SGCD: variants seen among roughly 807,000 people sequenced by gnomAD.
SGCD encodes the protein sarcoglycan delta.
A neutral mutation model predicts 36.6 loss-of-function variants in SGCD; 18 were observed. That is an observed-to-expected ratio of 0.49 (90% CI 0.34 to 0.73). The LOEUF (loss-of-function observed/expected upper bound fraction) is 0.73, where lower values mean the gene tolerates loss of function less well. SGCD is among the 30% of genes least tolerant of loss of function. SGCD has a pLI of 0.01. For synonymous variants in SGCD, 133 were observed against 130.6 expected (o/e 1.02, Z -0.12); for missense variants, 387 against 346.7 (o/e 1.12, Z -0.92).
the SGCD span, among the ~76,000 whole-genome samples, chr5:155,751,926 C>T: frequency 6.6e-6 from 1 of 152,020 alleles, no homozygotes; most frequent in Non-Finnish European, 1.5e-5. Flanking sequence ...AACTGTGTGA[C>T]CTTGGACAAA....
At chr5:156,491,210 A>G (rs2127849463) in intron 3 of SGCD, among the ~76,000 whole-genome samples, 2 of 152,288 alleles carry the variant, frequency 1.3e-5, no homozygotes, top group African/African-American at 4.8e-5. Flanking sequence ...AAGCAAATGG[A>G]AAAACATCCC....
At chr5:155,958,662 A>G (rs1757717834) in intron 1 of SGCD, among the ~76,000 whole-genome samples, 1 of 152,174 alleles carries the variant, frequency 6.6e-6, no homozygotes, top group Non-Finnish European at 1.5e-5. Context: ...TGGGGTCAGA[A>G]CAGTATTTGA....
At chr5:156,645,161 C>T (rs1763180900) in intron 6 of SGCD, among the ~76,000 whole-genome samples, 1 of 151,964 alleles carries the variant, frequency 6.6e-6, no homozygotes, top group African/African-American at 2.4e-5. Flanking sequence ...GCTGAAATGG[C>T]TTTATGGATT....
chr5:156,506,626 G>GA (rs1309427206), intron 3 of SGCD, among the ~76,000 whole-genome samples: 1 of 151,952 alleles, frequency 6.6e-6, no homozygotes, highest in Non-Finnish European at 1.5e-5. Flanking sequence ...CAGTCAACTG[G>GA]AAAAAAACCC....
At chr5:156,207,176 T>C (rs1410661491) in intron 3 of SGCD, among the ~76,000 whole-genome samples, 2 of 152,122 alleles carry the variant, frequency 1.3e-5, no homozygotes, top group Non-Finnish European at 2.9e-5. Context: ...TGGGAGGGTA[T>C]GACTTCTACT....
intron 7 of SGCD, among the ~76,000 whole-genome samples, chr5:156,728,536 A>AAAAG (rs1755896249): frequency 6.8e-6 from 1 of 147,590 alleles, no homozygotes; most frequent in Admixed American, 6.7e-5. Flanking sequence ...AAAAAAAAAA[A>AAAAG]GGTAGAGTCA....
chr5:155,977,866 T>C (rs1248788746), intron 1 of SGCD, among the ~76,000 whole-genome samples: 3 of 152,178 alleles, frequency 2.0e-5, no homozygotes, highest in Non-Finnish European at 4.4e-5. Context: ...GAGGCCGAGG[T>C]GGGCAGATCA....
chr5:156,617,199 AT>A (rs1174925457), intron 6 of SGCD, among the ~76,000 whole-genome samples: 1 of 152,234 alleles, frequency 6.6e-6, no homozygotes, highest in Non-Finnish European at 1.5e-5. Flanking sequence ...GGATTGAAAG[AT>A]TTTGAATACT....
At chr5:156,257,290 C>T (rs1474138871) in intron 3 of SGCD, among the ~76,000 whole-genome samples, 1 of 151,818 alleles carries the variant, frequency 6.6e-6, no homozygotes, top group Non-Finnish European at 1.5e-5. Flanking sequence ...CTGGCTAACA[C>T]GGTGAAACCC....
intron 2 of SGCD, among the ~76,000 whole-genome samples, chr5:156,343,739 G>A (rs1350625849): frequency 6.6e-6 from 1 of 152,086 alleles, no homozygotes; most frequent in Non-Finnish European, 1.5e-5. Flanking sequence ...ACTGTGCTTA[G>A]CATTTAACTA....
In SGCD at chr5:156,689,773, A is replaced by T. The variant is rs111483133; in HGVS notation, c.575+42237A>T. 3.7e-3 allele frequency among the ~76,000 whole-genome samples: 563 copies of T among 152,328 alleles called. 8 individuals carry two copies. Among genetic ancestry groups the T allele is most frequent in the African/African-American group, 0.012 (492 of 41,576 alleles). On this transcript the variant is annotated intron_variant, in intron 7 of 8. Transcript: ENST00000337851. ...AGACAGAAAGGATGGTAAGAAGATT[A>T]TTCAAGATTAAAGATAAGAGAGAAT...
chr5:156,604,269 C>G (rs1392164967), intron 6 of SGCD, among the ~76,000 whole-genome samples: 1 of 151,760 alleles, frequency 6.6e-6, no homozygotes, highest in Non-Finnish European at 1.5e-5. Flanking sequence ...TCTCCACTTT[C>G]ATCTATGTGT....
chr5:156,112,887 A>G (rs1487060089), intron 1 of SGCD, among the ~76,000 whole-genome samples: 1 of 152,284 alleles, frequency 6.6e-6, no homozygotes, highest in East Asian at 1.9e-4. Context: ...TAAAATTTCT[A>G]TAATCTACCT....
At chr5:155,989,162 C>T (rs562328484) in intron 1 of SGCD, among the ~76,000 whole-genome samples, 1 of 152,128 alleles carries the variant, frequency 6.6e-6, no homozygotes, top group South Asian at 2.1e-4. Flanking sequence ...CTGCTATTTG[C>T]TTAATTCAAG....
chr5:156,452,400 T>A (rs1029216035), intron 3 of SGCD, among the ~76,000 whole-genome samples: 7 of 152,196 alleles, frequency 4.6e-5, no homozygotes, highest in African/African-American at 9.6e-5. Flanking sequence ...CATTCTCCTT[T>A]TGCTTTCTTC....
chr5:156,679,985 A>C (rs1335528123), intron 7 of SGCD, among the ~76,000 whole-genome samples: 1 of 152,218 alleles, frequency 6.6e-6, no homozygotes, highest in Non-Finnish European at 1.5e-5. Flanking sequence ...GCAAGCAATC[A>C]GAATTTTACT....
intron 7 of SGCD, among the ~76,000 whole-genome samples, chr5:156,667,843 G>A (rs1753118672): frequency 6.6e-6 from 1 of 152,182 alleles, no homozygotes; most frequent in Non-Finnish European, 1.5e-5. Flanking sequence ...CAGGAATTCT[G>A]AGAGCTTAAA....
the SGCD span, among the ~76,000 whole-genome samples, chr5:155,739,292 A>G: frequency 6.6e-6 from 1 of 152,196 alleles, no homozygotes; most frequent in Non-Finnish European, 1.5e-5. Context: ...CTGCTAAAAG[A>G]TCTTTCCATG....
intron 1 of SGCD, among the ~76,000 whole-genome samples, chr5:156,056,658 A>C (rs1374490485): frequency 2.1e-5 from 3 of 141,016 alleles, no homozygotes; most frequent in Non-Finnish European, 4.7e-5. Context: ...AAAAAAAAAA[A>C]AAAAAAACAG....
Sources: gnomAD v4.1 joint callset for allele counts (sites outside exome capture counted in the v4.1 genomes callset) on GRCh38, gnomAD v4.1.1 for gene constraint, MANE v1.5 for transcripts, NCBI Gene and HGNC (gene_info 2026-07-23, HGNC 2026-07-21) for gene names.